Variants in NIPAL3 observed in about 807,000 individuals in gnomAD.
NIPAL3 encodes the protein NIPA-like protein 3.
In NIPAL3, 41 loss-of-function variants were observed where a neutral mutation model predicts 47.2. The observed-to-expected ratio is 0.87, with a 90% confidence interval of 0.68 to 1.13. The LOEUF (loss-of-function observed/expected upper bound fraction) is 1.13. Ranked by LOEUF, NIPAL3 falls within the 50% of genes most tolerant of loss-of-function variation. The pLI is 0.00. For synonymous variants in NIPAL3, 194 were observed against 209.6 expected (o/e 0.93, Z 0.64); for missense variants, 449 against 530.1 (o/e 0.85, Z 1.50).
chr1:24,461,434 C>T (rs1001991918), intron 10 of NIPAL3, among the ~76,000 whole-genome samples: 6 of 150,832 alleles, frequency 4.0e-5, no homozygotes, highest in African/African-American at 9.9e-5. Context: ...CCCAGCTACT[C>T]GGGAGGCTGA....
intron 2 of NIPAL3, among the ~76,000 whole-genome samples, chr1:24,438,027 G>A (rs1399253856): frequency 1.3e-5 from 2 of 152,192 alleles, no homozygotes; most frequent in African/African-American, 4.8e-5. Flanking sequence ...TCCCCTGAGA[G>A]CCTCTAACAT....
intron 8 of NIPAL3, among the ~76,000 whole-genome samples, chr1:24,456,745 A>G (rs1646232944): frequency 6.6e-6 from 1 of 152,112 alleles, no homozygotes; most frequent in South Asian, 2.1e-4. Flanking sequence ...TCAGAATGTG[A>G]TAATTTTTGT....
chr1:24,467,099 C>T (rs1036583992), intron 11 of NIPAL3, among the ~76,000 whole-genome samples: 2 of 152,124 alleles, frequency 1.3e-5, no homozygotes, highest in Non-Finnish European at 2.9e-5. Flanking sequence ...GACAGTAGTT[C>T]ATCTCTGTCA....
chr1:24,420,840 C>T (rs751527151), intron 2 of NIPAL3, among the ~76,000 whole-genome samples: 6 of 152,128 alleles, frequency 3.9e-5, no homozygotes, highest in Non-Finnish European at 7.3e-5. Flanking sequence ...CATGAACATC[C>T]TGGAGTGTAA....
At chr1:24,468,198 C>G (rs1646779428) in intron 11 of NIPAL3, among the ~76,000 whole-genome samples, 1 of 152,036 alleles carries the variant, frequency 6.6e-6, no homozygotes, top group Non-Finnish European at 1.5e-5. Flanking sequence ...ACCTGTAGTA[C>G]CAGCCACTCA....
chr1:24,428,721 A>C (rs185118841), intron 2 of NIPAL3, among the ~76,000 whole-genome samples: 23 of 152,308 alleles, frequency 1.5e-4, no homozygotes, highest in African/African-American at 5.1e-4. Flanking sequence ...TCTGCCTTTC[A>C]TCAGTTGATT....
intron 2 of NIPAL3, among the ~76,000 whole-genome samples, chr1:24,421,187 G>A (rs1011200280): frequency 3.3e-5 from 5 of 151,702 alleles, no homozygotes; most frequent in Non-Finnish European, 5.9e-5. Flanking sequence ...AGGTGTGGTA[G>A]GGCACCTACC....
chr1:24,441,919 C>T (rs527970249), intron 3 of NIPAL3, 136 bp from the exon 4 acceptor site: 4 of 787,082 alleles, frequency 5.1e-6, no homozygotes, highest in East Asian at 5.2e-5. Flanking sequence ...TTACTCTTCT[C>T]TGAGTCAGGA....
chr1:24,457,996 G>A (rs960186843), intron 8 of NIPAL3, among the ~76,000 whole-genome samples: 3 of 152,158 alleles, frequency 2.0e-5, no homozygotes, highest in Admixed American at 6.5e-5. Context: ...AGATGCCACC[G>A]CCCACCTCCT....
intron 2 of NIPAL3, among the ~76,000 whole-genome samples, chr1:24,435,662 A>T (rs1645067479): frequency 6.6e-6 from 1 of 152,232 alleles, no homozygotes; most frequent in South Asian, 2.1e-4. Flanking sequence ...AACAATAGAT[A>T]GATTAGACTT....
intron 4 of NIPAL3, among the ~76,000 whole-genome samples, chr1:24,443,256 G>T (rs1363697616): frequency 6.6e-6 from 1 of 152,158 alleles, no homozygotes; most frequent in African/African-American, 2.4e-5. Context: ...TTAAAGAAAA[G>T]ATGTTAGTAG....
intron 2 of NIPAL3, among the ~76,000 whole-genome samples, chr1:24,436,127 G>T (rs1645093261): frequency 6.6e-6 from 1 of 152,072 alleles, no homozygotes; most frequent in Non-Finnish European, 1.5e-5. Context: ...TTAGGGGTTA[G>T]GACTTCAACA....
In NIPAL3 at chr1:24,440,223, A is replaced by C; in HGVS notation, c.145A>C (p.Ile49Leu). 1 of 1,595,768 alleles carries C rather than the reference A, an allele frequency of 6.3e-7. No individual in the cohort carries two copies. The highest frequency in any genetic ancestry group is 8.5e-7 in the Non-Finnish European group (1 of 1,171,994). The part of the protein sequence containing the change: ...LAIFGHLVVS[I>L]ALNLQKYCHI... The stretch of plus-strand genomic sequence containing the variant: ...GATCTTCGGGCACCTCGTGGTCAGC[A>C]TTGCACTTAACCTCCAGGTAAGTTT... The change falls in exon 3 of 12, where the codon ATT (isoleucine) becomes CTT (leucine). Residue 49 changes from isoleucine (I) to leucine (L), a missense_variant. Ile to Leu is a conservative substitution (Grantham distance 5). Coordinates refer to ENST00000374399, the MANE Select transcript of NIPAL3 (RefSeq NM_020448.5).
chr1:24,413,934 T>C (rs1391090137), upstream of NIPAL3: 1 of 152,244 alleles, frequency 6.6e-6, no homozygotes, highest in Non-Finnish European at 1.5e-5. Flanking sequence ...AAGAGGTTTA[T>C]CTAGGCCATG....
At chr1:24,428,258 A>AAGAGAGAGAGAGAGAG (rs56082168) in intron 2 of NIPAL3, among the ~76,000 whole-genome samples, 1,833 of 119,088 alleles carry the variant, frequency 0.015, 29 homozygotes, top group Non-Finnish European at 0.016. Context: ...CTCAAAAAGA[A>AAGAGAGAGAGAGAGAG]AGAGAGAGAG....
At chr1:24,468,314 CAATAAATA>C (rs71032817) in intron 11 of NIPAL3, among the ~76,000 whole-genome samples, 28 of 151,732 alleles carry the variant, frequency 1.8e-4, no homozygotes, top group African/African-American at 6.1e-4. Flanking sequence ...GACCCTGTCT[CAATAAATA>C]AATAAATAAA....
intron 2 of NIPAL3, among the ~76,000 whole-genome samples, chr1:24,431,813 C>T (rs80258089): frequency 0.03 from 4,596 of 152,108 alleles, 124 homozygotes; most frequent in Non-Finnish European, 0.041. Context: ...ACCCCCGGAG[C>T]TTCCTATGCG....
intron 8 of NIPAL3, 74 bp from the exon 9 acceptor site, chr1:24,458,814 A>T: frequency 8.5e-7 from 1 of 1,169,880 alleles, no homozygotes; most frequent in Non-Finnish European, 1.3e-6. Context: ...TTTCAAACCA[A>T]ACTCTACTGT....
intron 2 of NIPAL3, among the ~76,000 whole-genome samples, chr1:24,424,391 C>T (rs1644478542): frequency 6.6e-6 from 1 of 152,104 alleles, no homozygotes; most frequent in African/African-American, 2.4e-5. Flanking sequence ...AACACAGTGT[C>T]TGACCATGCA....
Sources: allele counts gnomAD v4.1 joint callset (sites outside exome capture counted in the v4.1 genomes callset), GRCh38; gene constraint gnomAD v4.1.1; transcripts MANE v1.5; gene names NCBI Gene and HGNC (gene_info 2026-07-23, HGNC 2026-07-21).